The following SNX13 variants were observed in gnomAD, a reference collection of about 807,000 sequenced individuals.
The protein encoded by SNX13 is sorting nexin 13.
Under a neutral mutation model 133.6 loss-of-function variants are expected in SNX13, and 45 were observed. That is an observed-to-expected ratio of 0.34 (90% CI 0.27 to 0.43). SNX13 has a LOEUF of 0.43. Among genes scored for constraint, SNX13 ranks in the 20% least tolerant of loss-of-function variants. The pLI, the probability that SNX13 is intolerant of heterozygous loss-of-function variation, is 1.00. For missense variants in SNX13, 1,032 were observed against 1,145.1 expected (o/e 0.90, Z 1.43); for synonymous variants, 414 against 373.9 (o/e 1.11, Z -1.24).
chr7:17,794,433 A>G (rs2128281177), intron 25 of SNX13, 141 bp from the exon 26 acceptor site: 3 of 1,039,742 alleles, frequency 2.9e-6, no homozygotes, highest in South Asian at 1.8e-5. Context: ...GCTATGTACT[A>G]TAGCTGAAAC....
chr7:17,863,917 TC>T (rs2128340203), intron 9 of SNX13, among the ~76,000 whole-genome samples: 1 of 152,306 alleles, frequency 6.6e-6, no homozygotes, highest in South Asian at 2.1e-4. Context: ...CTGAAGTGCA[TC>T]ATGGCAGTGT....
In SNX13 at chr7:17,845,662, A is replaced by C; in HGVS notation, c.1098T>G (p.Phe366Leu). The change falls in exon 12 of 26, where the codon TTT (phenylalanine) becomes TTG (leucine). Residue 366 changes from phenylalanine to leucine, a missense_variant. Phe to Leu is a conservative substitution (Grantham distance 22). Transcript: ENST00000428135. Reference protein sequence around the residue: ...EINTVKLAANFGKLCTVPLDS... With the variant: ...EINTVKLAANLGKLCTVPLDS... Reference sequence around the variant, plus strand: ...CCAGGGGGACTGTGCAAAGTTTCCCAAAGTTTGCTGCAAGTTTCACAGTAT... The same window carrying C: ...CCAGGGGGACTGTGCAAAGTTTCCCCAAGTTTGCTGCAAGTTTCACAGTAT... 6.2e-7 allele frequency: 1 copy of C among 1,602,174 alleles called. No homozygotes were observed. The highest frequency in any genetic ancestry group is 8.5e-7 in the Non-Finnish European group (1 of 1,174,548).
chr7:17,819,709 A>T (rs1040406684), intron 18 of SNX13, among the ~76,000 whole-genome samples: 40 of 152,306 alleles, frequency 2.6e-4, no homozygotes, highest in Middle Eastern at 3.4e-3. Flanking sequence ...TGAGTTTTTA[A>T]AATATAGATA....
chr7:17,934,629 G>A (rs1027735330), intron 1 of SNX13, among the ~76,000 whole-genome samples: 3 of 152,284 alleles, frequency 2.0e-5, no homozygotes, highest in Non-Finnish European at 2.9e-5. Flanking sequence ...GGGAGAAAGT[G>A]TAAACCATAC....
intron 1 of SNX13, among the ~76,000 whole-genome samples, chr7:17,906,424 A>G (rs1402202085): frequency 6.6e-6 from 1 of 152,116 alleles, no homozygotes; most frequent in East Asian, 1.9e-4. Context: ...CTATAAATAT[A>G]TATAAAATAT....
At chr7:17,873,727 A>C (rs1794382240) in intron 7 of SNX13, 111 bp from the exon 8 acceptor site, 1 of 551,776 alleles carries the variant, frequency 1.8e-6, no homozygotes, top group Non-Finnish European at 2.9e-6. Context: ...CCCTGGTTAC[A>C]ATGGCTTATT....
intron 1 of SNX13, among the ~76,000 whole-genome samples, chr7:17,915,642 G>A (rs942075939): frequency 2.0e-5 from 3 of 151,816 alleles, no homozygotes; most frequent in Admixed American, 6.6e-5. Context: ...TCTCTCTCTC[G>A]TCCTTTCTTT....
At position 17,816,191 on chromosome 7, in the gene SNX13, T is replaced by G. The variant is rs773908111; in HGVS notation, c.1944A>C (p.Ala648=). 1 of 1,534,290 alleles carries G rather than the reference T, an allele frequency of 6.5e-7. No homozygotes were observed. The highest frequency in any genetic ancestry group is 8.8e-7 in the Non-Finnish European group (1 of 1,138,844). ...GTAAACATGAGCTTACCTGCAAATA[T>G]GCATTTAGATCCTTTTTTCTCTTTT... ...FLEKRKKDLN[A]YLQLLLAPEM... Residue 648 remains alanine, a synonymous_variant, in exon 19 of 26, where the codon GCA becomes GCC. Coordinates refer to ENST00000428135, the MANE Select transcript of SNX13 (RefSeq NM_015132.5).
intron 18 of SNX13, among the ~76,000 whole-genome samples, chr7:17,819,696 A>G (rs1437477453): frequency 6.6e-6 from 1 of 152,138 alleles, no homozygotes; most frequent in Admixed American, 6.5e-5. Flanking sequence ...TTTATAAGGG[A>G]TTTGAGTTTT....
chr7:17,854,326 A>G (rs1196629546), intron 9 of SNX13, among the ~76,000 whole-genome samples: 1 of 152,260 alleles, frequency 6.6e-6, no homozygotes, highest in African/African-American at 2.4e-5. Flanking sequence ...TAAAGAGGAC[A>G]CTAATTCCTA....
intron 1 of SNX13, among the ~76,000 whole-genome samples, chr7:17,903,070 T>C (rs1384884371): frequency 1.3e-5 from 2 of 152,160 alleles, no homozygotes; most frequent in African/African-American, 2.4e-5. Context: ...GCTACTTTAA[T>C]ATAGTACCAT....
chr7:17,851,667 T>A (rs1791223933), intron 9 of SNX13, among the ~76,000 whole-genome samples: 1 of 130,300 alleles, frequency 7.7e-6, no homozygotes. Context: ...AATAGTGGAG[T>A]TACCACTAAA....
chr7:17,893,727 C>A (rs1473491645), intron 2 of SNX13, among the ~76,000 whole-genome samples: 1 of 152,142 alleles, frequency 6.6e-6, no homozygotes, highest in African/African-American at 2.4e-5. Flanking sequence ...GTAATCCCAG[C>A]ACTTTGGGAG....
At chr7:17,806,837 C>A (rs1247114909) in intron 20 of SNX13, among the ~76,000 whole-genome samples, 1 of 152,136 alleles carries the variant, frequency 6.6e-6, no homozygotes, top group Non-Finnish European at 1.5e-5. Context: ...CGTCGCGTCA[C>A]GCGGGAAGTG....
chr7:17,851,719 C>CGGGGGG (rs1212557655), intron 9 of SNX13, among the ~76,000 whole-genome samples: 4 of 20,354 alleles, frequency 2.0e-4, no homozygotes, highest in South Asian at 2.1e-3. Flanking sequence ...ATTTGCCGGG[C>CGGGGGG]GGGGGGGGCG....
intron 20 of SNX13, 54 bp from the exon 21 acceptor site, chr7:17,803,634 C>T (rs1027555275): frequency 1.6e-4 from 243 of 1,480,072 alleles, no homozygotes; most frequent in Non-Finnish European, 2.1e-4. Flanking sequence ...AGTTGTTATC[C>T]AAATGACAAG....
intron 1 of SNX13, among the ~76,000 whole-genome samples, chr7:17,904,790 T>C (rs1361903544): frequency 6.6e-6 from 1 of 152,208 alleles, no homozygotes; most frequent in Non-Finnish European, 1.5e-5. Context: ...AGTGGTCTTA[T>C]AACAAGTACA....
rs541745226 is a variant in SNX13 at position 17,801,577 on chromosome 7, A to T, written c.2298+11T>A. On this transcript the variant is annotated intron_variant, in intron 22 of 25. Coordinates refer to ENST00000428135, the MANE Select transcript of SNX13 (RefSeq NM_015132.5). ...TTAAACTAAATACTACCAAGAATAA[A>T]ATTAACTCACATTATCGTCAAGTTG... 1.3e-5 allele frequency: 21 copies of T among 1,598,788 alleles called. No homozygotes were observed. The South Asian group carries it at 1.9e-4, about 15-fold the overall frequency.
chr7:17,804,371 A>AT (rs1407813239), intron 20 of SNX13, among the ~76,000 whole-genome samples: 7 of 152,154 alleles, frequency 4.6e-5, no homozygotes, highest in Non-Finnish European at 7.4e-5. Flanking sequence ...TATTTGATTT[A>AT]TTTTTTAAAA....
Sources: allele counts gnomAD v4.1 joint callset (sites outside exome capture counted in the v4.1 genomes callset), GRCh38; gene constraint gnomAD v4.1.1; transcripts MANE v1.5; gene names NCBI Gene and HGNC (gene_info 2026-07-23, HGNC 2026-07-21).